Variants in TCF12 observed in about 807,000 individuals in gnomAD.
TCF12 encodes DNA-binding protein HTF4.
TCF12 carries 45 observed loss-of-function variants against 86.0 expected under a neutral mutation model. The ratio of observed to expected loss-of-function variants is 0.52; its 90% CI spans 0.41 to 0.67. The LOEUF is 0.67. TCF12 is among the 30% of genes least tolerant of loss of function. The pLI is 0.00. For missense variants in TCF12, 881 were observed against 859.9 expected (o/e 1.02, Z -0.31); for synonymous variants, 330 against 299.6 (o/e 1.10, Z -1.05).
Position 56,990,459 on chromosome 15 carries a change from A to G in TCF12, c.148+69361A>G, listed in dbSNP as rs183791173. Among the ~76,000 whole-genome samples the G allele has an allele frequency of 3.5e-3, 540 of 152,176 alleles. 4 individuals are homozygous for G. Among genetic ancestry groups the G allele is most frequent in the African/African-American group, 0.012 (514 of 41,518 alleles). ...GTATGCCAAAGCTTTCTTCAAAGAA[A>G]GCTCCATCATAAGGTGGTTTTTCTT... is the stretch of plus-strand genomic sequence containing the variant. On this transcript the variant is annotated intron_variant, in intron 3 of 20. Coordinates refer to ENST00000333725, the MANE Select transcript of TCF12 (RefSeq NM_207037.2).
At chr15:57,007,802 C>CTT (rs760842955) in intron 3 of TCF12, among the ~76,000 whole-genome samples, 3 of 121,116 alleles carry the variant, frequency 2.5e-5, no homozygotes, top group African/African-American at 2.8e-5. Context: ...CTCTTTCTTT[C>CTT]TTTCTTTCTT....
At chr15:57,037,498 G>A (rs1018743222) in intron 3 of TCF12, among the ~76,000 whole-genome samples, 8 of 152,180 alleles carry the variant, frequency 5.3e-5, no homozygotes, top group African/African-American at 1.7e-4. Context: ...TGAAGTAAGT[G>A]CACAGTAGAA....
intron 5 of TCF12, among the ~76,000 whole-genome samples, chr15:57,151,995 A>T (rs2053795593): frequency 6.6e-6 from 1 of 152,292 alleles, no homozygotes; most frequent in South Asian, 2.1e-4. Context: ...CATCTGTTAT[A>T]AGCTGAGGAT....
intron 3 of TCF12, among the ~76,000 whole-genome samples, chr15:56,967,948 ATGTT>A (rs113947083): frequency 3.3e-5 from 5 of 151,876 alleles, no homozygotes; most frequent in African/African-American, 7.3e-5. Context: ...GTTGCTAATT[ATGTT>A]TGTTTGTTTG....
chr15:57,078,719 G>A (rs538762062), intron 4 of TCF12, among the ~76,000 whole-genome samples: 2 of 152,282 alleles, frequency 1.3e-5, no homozygotes, highest in East Asian at 1.9e-4. Context: ...GCTAAAAATC[G>A]AGAGCAGGTA....
intron 3 of TCF12, among the ~76,000 whole-genome samples, chr15:57,012,800 G>T (rs1417925554): frequency 6.6e-6 from 1 of 152,140 alleles, no homozygotes; most frequent in Non-Finnish European, 1.5e-5. Flanking sequence ...GGGGAACTTG[G>T]TGGTTTGTCA....
rs1260761155 is a variant in TCF12, at chr15:57,222,641, T to C, written c.580-8511T>C. 2.6e-5 allele frequency among the ~76,000 whole-genome samples: 4 copies of C among 151,826 alleles called. No individual in the cohort carries two copies. The East Asian group carries it at 7.7e-4, about 29-fold the overall frequency. On this transcript the variant is annotated intron_variant, in intron 8 of 20. Transcript: ENST00000333725. Reference sequence around the variant, plus strand: ...CTGAGGTTCCTTCTTTATAAAGAACTCTGCCTGCATTCAGTTTTCTCATTA... The same window carrying C: ...CTGAGGTTCCTTCTTTATAAAGAACCCTGCCTGCATTCAGTTTTCTCATTA...
intron 3 of TCF12, among the ~76,000 whole-genome samples, chr15:56,925,234 T>C (rs866078918): frequency 8.7e-6 from 1 of 114,698 alleles, no homozygotes; most frequent in Non-Finnish European, 2.1e-5. Flanking sequence ...ACAAATGGTG[T>C]CCACCGCCCC....
At chr15:57,093,759 A>T (rs2049142339) in intron 5 of TCF12, among the ~76,000 whole-genome samples, 1 of 152,170 alleles carries the variant, frequency 6.6e-6, no homozygotes. Flanking sequence ...AGTCATCCAT[A>T]CCCTATGTAT....
chr15:57,022,131 A>G (rs753361378), intron 3 of TCF12, among the ~76,000 whole-genome samples: 1 of 152,064 alleles, frequency 6.6e-6, no homozygotes, highest in South Asian at 2.1e-4. Context: ...GGTTTGATAC[A>G]CAGGTATACA....
chr15:56,993,800 G>A (rs1171143339), intron 3 of TCF12, among the ~76,000 whole-genome samples: 1 of 152,158 alleles, frequency 6.6e-6, no homozygotes, highest in Non-Finnish European at 1.5e-5. Context: ...GTGTCCACAG[G>A]ATTTAAACAG....
chr15:57,021,821 C>T (rs768540178), intron 3 of TCF12, among the ~76,000 whole-genome samples: 5 of 151,644 alleles, frequency 3.3e-5, no homozygotes, highest in African/African-American at 7.3e-5. Flanking sequence ...TATGGAGGGC[C>T]GACTTTTCCT....
At chr15:57,028,860 G>A (rs1045679546) in intron 3 of TCF12, among the ~76,000 whole-genome samples, 2 of 151,774 alleles carry the variant, frequency 1.3e-5, no homozygotes, top group African/African-American at 4.8e-5. Flanking sequence ...GTGCAGTAAT[G>A]CGATCTTGGC....
At chr15:57,225,385 G>A (rs1377779946) in intron 8 of TCF12, among the ~76,000 whole-genome samples, 1 of 151,526 alleles carries the variant, frequency 6.6e-6, no homozygotes, top group East Asian at 1.9e-4. Context: ...GACTACAGGC[G>A]CCCGCCACCA....
At chr15:57,141,905 C>CTT (rs1789643261) in intron 5 of TCF12, among the ~76,000 whole-genome samples, 1 of 152,032 alleles carries the variant, frequency 6.6e-6, no homozygotes, top group Non-Finnish European at 1.5e-5. Context: ...TGTAGGAACT[C>CTT]TTGGTTGAAG....
chr15:57,171,251 A>G lies in TCF12; in HGVS notation c.390+4785A>G, dbSNP rs552725586. Among the ~76,000 whole-genome samples, 6 of 152,012 alleles carry G rather than the reference A, an allele frequency of 3.9e-5. No homozygotes were observed. In the East Asian group the frequency reaches 7.7e-4, roughly 20 times the overall value. On this transcript the variant is annotated intron_variant, in intron 6 of 20. Transcript: ENST00000333725. Reference sequence around the variant, plus strand: ...GATACCTTTTTTTTTTTAAGAATTCATAGGAGCAGTTCGTGAGCCCCAGAG... The same window carrying G: ...GATACCTTTTTTTTTTTAAGAATTCGTAGGAGCAGTTCGTGAGCCCCAGAG...
intron 3 of TCF12, among the ~76,000 whole-genome samples, chr15:56,986,679 T>C (rs1323275959): frequency 1.3e-5 from 2 of 152,206 alleles, no homozygotes; most frequent in Admixed American, 1.3e-4. Flanking sequence ...TGTATCCTTA[T>C]GTATATCCTT....
intron 7 of TCF12, 54 bp downstream of exon 7, chr15:57,192,347 C>T: frequency 5.1e-6 from 8 of 1,580,270 alleles, no homozygotes; most frequent in Non-Finnish European, 6.9e-6. Context: ...TTGTTTTTTC[C>T]TCCCATAATC....
At chr15:57,110,379 G>A (rs2050405792) in intron 5 of TCF12, among the ~76,000 whole-genome samples, 2 of 152,182 alleles carry the variant, frequency 1.3e-5, no homozygotes, top group Admixed American at 1.3e-4. Flanking sequence ...CAGATAGTGT[G>A]AAACTGTGAC....
Sources: allele counts gnomAD v4.1 joint callset (sites outside exome capture counted in the v4.1 genomes callset), GRCh38; gene constraint gnomAD v4.1.1; transcripts MANE v1.5; gene names NCBI Gene and HGNC (gene_info 2026-07-23, HGNC 2026-07-21).